The following FRMD3 variants were observed in gnomAD, a reference collection of about 807,000 sequenced individuals.
FRMD3 encodes FERM domain containing 3.
FRMD3 carries 33 observed loss-of-function variants against 70.2 expected under a neutral mutation model. The ratio of observed to expected loss-of-function variants is 0.47; its 90% CI spans 0.36 to 0.63. The LOEUF is 0.63. Among genes scored for constraint, FRMD3 ranks in the 20% least tolerant of loss-of-function variants. The pLI is 0.00. For synonymous variants in FRMD3, 279 were observed against 255.9 expected (o/e 1.09, Z -0.86); for missense variants, 632 against 711.4 (o/e 0.89, Z 1.27).
intron 1 of FRMD3, among the ~76,000 whole-genome samples, chr9:83,484,499 C>T (rs961022119): frequency 1.3e-5 from 2 of 152,168 alleles, no homozygotes; most frequent in Non-Finnish European, 2.9e-5. Context: ...CTCTCTGTAA[C>T]TTCCACCCCT....
intron 2 of FRMD3, among the ~76,000 whole-genome samples, chr9:83,374,258 T>C (rs1825072259): frequency 6.6e-6 from 1 of 152,042 alleles, no homozygotes; most frequent in Admixed American, 6.6e-5. Context: ...TCTCAGGAGC[T>C]GAAAAACTGA....
chr9:83,374,905 C>A (rs1825094047), intron 2 of FRMD3, among the ~76,000 whole-genome samples: 1 of 152,142 alleles, frequency 6.6e-6, no homozygotes, highest in South Asian at 2.1e-4. Flanking sequence ...CAAATAGCAG[C>A]AAAATATCAA....
intron 1 of FRMD3, among the ~76,000 whole-genome samples, chr9:83,488,260 T>G (rs376828613): frequency 2.0e-5 from 3 of 152,324 alleles, no homozygotes; most frequent in African/African-American, 7.2e-5. Context: ...TCAAACTTGG[T>G]TCCTCAGAGG....
chr9:83,486,327 G>A (rs1268004630), intron 1 of FRMD3, among the ~76,000 whole-genome samples: 1 of 152,058 alleles, frequency 6.6e-6, no homozygotes, highest in Non-Finnish European at 1.5e-5. Flanking sequence ...GACCACCAGG[G>A]CCTCCATAGC....
intron 13 of FRMD3, chr9:83,267,077 TGGTTC>T: frequency 6.4e-7 from 1 of 1,550,836 alleles, no homozygotes; most frequent in Non-Finnish European, 8.7e-7. Context: ...ACTGTTGCAG[TGGTTC>T]ACCATGTGCA....
intron 12 of FRMD3, among the ~76,000 whole-genome samples, chr9:83,294,209 G>A (rs1055123152): frequency 1.3e-5 from 2 of 152,214 alleles, no homozygotes; most frequent in South Asian, 2.1e-4. Flanking sequence ...TCTGCCATGT[G>A]AGGACACAGC....
intron 11 of FRMD3, 41 bp downstream of exon 11, chr9:83,299,071 C>T (rs762703661): frequency 3.5e-6 from 5 of 1,413,410 alleles, no homozygotes; most frequent in Non-Finnish European, 5.0e-6. Flanking sequence ...AGTGGCTGCC[C>T]ATCCCCACCC....
chr9:83,345,179 G>A (rs1823914349), intron 4 of FRMD3, among the ~76,000 whole-genome samples: 1 of 152,180 alleles, frequency 6.6e-6, no homozygotes, highest in African/African-American at 2.4e-5. Context: ...ACTGTGCTGT[G>A]TGGGCACTGG....
chr9:83,290,775 T>G (rs1834388227), intron 12 of FRMD3, 48 bp from the exon 13 acceptor site: 1 of 1,556,402 alleles, frequency 6.4e-7, no homozygotes, highest in South Asian at 1.2e-5. Flanking sequence ...TCACAAATGC[T>G]GGCCCCTCCA....
chr9:83,306,673 T>C (rs1016889676), intron 10 of FRMD3, among the ~76,000 whole-genome samples: 3 of 152,114 alleles, frequency 2.0e-5, no homozygotes, highest in Non-Finnish European at 4.4e-5. Flanking sequence ...GCCTTATCAA[T>C]CTGAGCTAGT....
intron 1 of FRMD3, among the ~76,000 whole-genome samples, chr9:83,530,237 G>T (rs1011909268): frequency 3.3e-5 from 5 of 152,154 alleles, no homozygotes; most frequent in Non-Finnish European, 7.4e-5. Context: ...CAACCCAAAT[G>T]TTCAACTAAT....
chr9:83,262,503 A>T (rs1392784188), intron 13 of FRMD3, among the ~76,000 whole-genome samples: 1 of 152,210 alleles, frequency 6.6e-6, no homozygotes, highest in Admixed American at 6.5e-5. Flanking sequence ...AGCTTATTGT[A>T]AGTTGTTTCC....
Position 83,245,601 on chromosome 9 carries a change from A to G in FRMD3, c.*2317T>C. ...TCGTTGGATTACATGTGATATTTAT[A>G]CTATCATATTTTTTAAGTATTTTAC... On this transcript the variant is annotated 3_prime_UTR_variant, in exon 14 of 14. Coordinates refer to ENST00000304195, the MANE Select transcript of FRMD3 (RefSeq NM_174938.6). The G allele has an allele frequency of 6.2e-6, 5 of 811,712 alleles. No individual in the cohort carries two copies. Among genetic ancestry groups the G allele is most frequent in the Non-Finnish European group, 7.4e-6 (5 of 671,310 alleles). The allele number at this position is 811,712 out of a possible 1,614,324, so 50.3% of individuals were successfully genotyped here. A position where few individuals can be genotyped will look rare whatever the true frequency, so the allele number is the denominator to read the frequency against.
chr9:83,293,298 A>G (rs1563999107), intron 12 of FRMD3, among the ~76,000 whole-genome samples: 2 of 152,130 alleles, frequency 1.3e-5, no homozygotes, highest in South Asian at 2.1e-4. Context: ...ACTCATGACT[A>G]TGATTCTAAC....
At chr9:83,517,278 G>A (rs976589132) in intron 1 of FRMD3, among the ~76,000 whole-genome samples, 4 of 151,988 alleles carry the variant, frequency 2.6e-5, no homozygotes. Context: ...AATAAAAAGT[G>A]ATATAGGGAA....
At chr9:83,526,877 C>CTT (rs5898832) in intron 1 of FRMD3, among the ~76,000 whole-genome samples, 5 of 142,692 alleles carry the variant, frequency 3.5e-5, no homozygotes, top group Admixed American at 7.0e-5. Context: ...GAATAAGCTT[C>CTT]TTTTTTTTTT....
At chr9:83,478,055 T>TC (rs1828440650) in intron 1 of FRMD3, among the ~76,000 whole-genome samples, 2 of 152,190 alleles carry the variant, frequency 1.3e-5, no homozygotes, top group African/African-American at 4.8e-5. Flanking sequence ...AGGACTGGCT[T>TC]CCCTTCTGTC....
chr9:83,283,309 T>C (rs2118920870), intron 13 of FRMD3, among the ~76,000 whole-genome samples: 1 of 151,984 alleles, frequency 6.6e-6, no homozygotes, highest in South Asian at 2.1e-4. Flanking sequence ...GGCGGGTGGA[T>C]CATGAGGTCA....
chr9:83,547,773 T>C, the FRMD3 span, among the ~76,000 whole-genome samples: 1 of 152,188 alleles, frequency 6.6e-6, no homozygotes. Flanking sequence ...TTCTTCAAAA[T>C]AGACCATACT....
Sources: gnomAD v4.1 joint callset for allele counts (sites outside exome capture counted in the v4.1 genomes callset) on GRCh38, gnomAD v4.1.1 for gene constraint, MANE v1.5 for transcripts, NCBI Gene and HGNC (gene_info 2026-07-23, HGNC 2026-07-21) for gene names.